PRR16: variants seen among roughly 807,000 people sequenced by gnomAD.
The protein encoded by PRR16 is protein Largen.
Under a neutral mutation model 18.2 loss-of-function variants are expected in PRR16, and 6 were observed. That is an observed-to-expected ratio of 0.33 (90% CI 0.18 to 0.65). The LOEUF (loss-of-function observed/expected upper bound fraction) is 0.65. PRR16 is among the 30% of genes least tolerant of loss of function. The pLI, the probability that PRR16 is intolerant of heterozygous loss-of-function variation, is 0.74. For missense variants in PRR16, 412 were observed against 376.6 expected, an observed-to-expected ratio of 1.09 and a Z score of -0.78; for synonymous variants, 151 against 147.8, an observed-to-expected ratio of 1.02 and a Z score of -0.16.
At chr5:120,491,117 G>A (rs1561513790) in intron 1 of PRR16, among the ~76,000 whole-genome samples, 1 of 152,120 alleles carries the variant, frequency 6.6e-6, no homozygotes, top group African/African-American at 2.4e-5. Flanking sequence ...ACTTGAGGAG[G>A]CAGTCTGTCC....
At chr5:120,571,353 G>A (rs958692881) in intron 1 of PRR16, among the ~76,000 whole-genome samples, 10 of 152,146 alleles carry the variant, frequency 6.6e-5, no homozygotes, top group African/African-American at 9.7e-5. Context: ...GAATGCAGTG[G>A]GAGTGTGCTT....
chr5:120,662,056 G>A (rs557601541), intron 1 of PRR16, among the ~76,000 whole-genome samples: 2 of 152,178 alleles, frequency 1.3e-5, no homozygotes, highest in South Asian at 4.1e-4. Context: ...GCTATAGTCA[G>A]GCCTTGGTAG....
the PRR16 span, among the ~76,000 whole-genome samples, chr5:120,761,177 C>A: frequency 6.6e-6 from 1 of 151,966 alleles, no homozygotes; most frequent in African/African-American, 2.4e-5. Flanking sequence ...GTATTTTAAG[C>A]CTATTTTAAT....
rs143258027 is a variant in PRR16 at position 120,596,750 on chromosome 5, T to G, written c.160-89204T>G. ...GTTAACCAAATCCTCAATTTCATATTTATTATTATAATGCATTTTTTCTGT... is the reference window on the plus strand; with the variant it reads ...GTTAACCAAATCCTCAATTTCATATGTATTATTATAATGCATTTTTTCTGT... On this transcript the variant is annotated intron_variant, in intron 1 of 1. Coordinates refer to ENST00000407149, the MANE Select transcript of PRR16 (RefSeq NM_001300783.2). Among the ~76,000 whole-genome samples the G allele has an allele frequency of 3.5e-3, 539 of 151,866 alleles. 5 individuals are homozygous for G. The highest frequency in any genetic ancestry group is 0.012 in the African/African-American group (513 of 41,518).
At chr5:120,709,844 T>C in the PRR16 span, among the ~76,000 whole-genome samples, 1 of 152,260 alleles carries the variant, frequency 6.6e-6, no homozygotes, top group East Asian at 1.9e-4. Flanking sequence ...TAATATTCCA[T>C]TGTATTTAAA....
the PRR16 span, among the ~76,000 whole-genome samples, chr5:120,736,328 A>G: frequency 6.6e-6 from 1 of 152,078 alleles, no homozygotes; most frequent in Non-Finnish European, 1.5e-5. Flanking sequence ...GCAGTGGTGC[A>G]ATCTCGGCTC....
intron 1 of PRR16, among the ~76,000 whole-genome samples, chr5:120,586,201 G>A (rs1399152625): frequency 1.3e-5 from 2 of 151,698 alleles, no homozygotes; most frequent in East Asian, 3.9e-4. Context: ...TTTGATTGAT[G>A]AACACAACAA....
intron 1 of PRR16, among the ~76,000 whole-genome samples, chr5:120,512,336 T>G (rs1580668914): frequency 6.6e-6 from 1 of 152,150 alleles, no homozygotes; most frequent in African/African-American, 2.4e-5. Flanking sequence ...AGATCACAAT[T>G]GCCTGGCTGT....
chr5:120,654,670 A>T (rs564854422), intron 1 of PRR16, among the ~76,000 whole-genome samples: 5 of 151,942 alleles, frequency 3.3e-5, no homozygotes, highest in Non-Finnish European at 7.4e-5. Flanking sequence ...ATAATTTCAG[A>T]GTGAGAGAGA....
At chr5:120,651,597 A>G (rs1390952745) in intron 1 of PRR16, among the ~76,000 whole-genome samples, 64 of 152,158 alleles carry the variant, frequency 4.2e-4, no homozygotes, top group Non-Finnish European at 7.9e-4. Context: ...TCATTTCCCC[A>G]TTTCTTGTTT....
chr5:120,556,024 C>T (rs980890127), intron 1 of PRR16, among the ~76,000 whole-genome samples: 3 of 151,448 alleles, frequency 2.0e-5, no homozygotes, highest in Non-Finnish European at 4.4e-5. Flanking sequence ...TCACCTGTAC[C>T]ATACTGAGAT....
intron 1 of PRR16, among the ~76,000 whole-genome samples, chr5:120,497,366 C>T (rs1441060718): frequency 2.0e-5 from 3 of 147,378 alleles, no homozygotes; most frequent in Non-Finnish European, 3.0e-5. Context: ...TTTTTGCTTC[C>T]CCTGTTTTGA....
chr5:120,553,684 C>T (rs1269746209), intron 1 of PRR16, among the ~76,000 whole-genome samples: 1 of 151,730 alleles, frequency 6.6e-6, no homozygotes, highest in Non-Finnish European at 1.5e-5. Flanking sequence ...CACATACAGA[C>T]ATAATAACCG....
At chr5:120,537,543 A>G (rs898372390) in intron 1 of PRR16, among the ~76,000 whole-genome samples, 1 of 151,650 alleles carries the variant, frequency 6.6e-6, no homozygotes, top group African/African-American at 2.4e-5. Flanking sequence ...GGTTATTATT[A>G]TATTGGAAGC....
At chr5:120,563,105 T>C (rs1490996187) in intron 1 of PRR16, among the ~76,000 whole-genome samples, 1 of 152,170 alleles carries the variant, frequency 6.6e-6, no homozygotes, top group African/African-American at 2.4e-5. Context: ...TCTGGGAAGG[T>C]CTTTATTTCT....
chr5:120,489,321 C>G (rs1035200929), intron 1 of PRR16, among the ~76,000 whole-genome samples: 16 of 152,042 alleles, frequency 1.1e-4, no homozygotes, highest in African/African-American at 3.4e-4. Context: ...ACTTGCCTTA[C>G]GAATCTGGGT....
intron 1 of PRR16, among the ~76,000 whole-genome samples, chr5:120,645,358 G>GCA (rs1202871869): frequency 2.7e-5 from 4 of 150,594 alleles, no homozygotes; most frequent in Admixed American, 6.7e-5. Flanking sequence ...ACACAGACAT[G>GCA]CACACACACA....
At chr5:120,572,529 C>A (rs10050881) in intron 1 of PRR16, among the ~76,000 whole-genome samples, 2,143 of 152,106 alleles carry the variant, frequency 0.014, 57 homozygotes, top group African/African-American at 0.049. Flanking sequence ...CCATTCCCAA[C>A]GTAGATATAC....
At chr5:120,502,369 T>TTA (rs56314160) in intron 1 of PRR16, among the ~76,000 whole-genome samples, 40,413 of 148,688 alleles carry the variant, frequency 0.27, 6,748 homozygotes, top group African/African-American at 0.47. Context: ...ATTTTATATA[T>TTA]TATATATATA....
Sources: gnomAD v4.1 joint callset for allele counts (sites outside exome capture counted in the v4.1 genomes callset) on GRCh38, gnomAD v4.1.1 for gene constraint, MANE v1.5 for transcripts, NCBI Gene and HGNC (gene_info 2026-07-23, HGNC 2026-07-21) for gene names.